Variants in GPHN observed in about 807,000 individuals in gnomAD.
GPHN encodes the protein gephyrin.
A neutral mutation model predicts 95.5 loss-of-function variants in GPHN; 17 were observed. The observed-to-expected ratio is 0.18, with a 90% confidence interval of 0.12 to 0.27. GPHN has a LOEUF of 0.27. GPHN is among the 10% of genes least tolerant of loss of function. The pLI, the probability that GPHN is intolerant of heterozygous loss-of-function variation, is 1.00. For missense variants in GPHN, 660 were observed against 978.1 expected (o/e 0.67, Z 4.34); for synonymous variants, 320 against 322.5 (o/e 0.99, Z 0.08).
At chr14:67,635,821 C>T in the GPHN span, among the ~76,000 whole-genome samples, 1 of 152,156 alleles carries the variant, frequency 6.6e-6, no homozygotes, top group Non-Finnish European at 1.5e-5. Flanking sequence ...CACTTCACTC[C>T]AGCGTGGGTG....
At chr14:66,649,638 G>A (rs1178061048) in intron 1 of GPHN, among the ~76,000 whole-genome samples, 5 of 152,194 alleles carry the variant, frequency 3.3e-5, no homozygotes, top group African/African-American at 4.8e-5. Context: ...CTGAAGTGGA[G>A]CTGAGGCAAT....
the GPHN span, among the ~76,000 whole-genome samples, chr14:67,508,772 CAG>C: frequency 1.3e-5 from 1 of 74,268 alleles, no homozygotes; most frequent in Non-Finnish European, 3.1e-5. Flanking sequence ...AAAAAAAAAA[CAG>C]AAGACAATTA....
chr14:67,383,414 G>T, the GPHN span: 2 of 1,613,638 alleles, frequency 1.2e-6, no homozygotes, highest in Non-Finnish European at 1.7e-6. Flanking sequence ...TGATGCAGAA[G>T]AAATGGAAGC....
In GPHN at chr14:66,508,182, G is replaced by A. The variant is rs1474552626; in HGVS notation, c.-346G>A. 2 of 486,378 alleles carry A rather than the reference G, an allele frequency of 4.1e-6. No individual in the cohort carries two copies. The highest frequency in any genetic ancestry group is 2.1e-5 in the South Asian group (1 of 48,170). The allele number at this position is 486,378 out of a possible 1,614,324, so 30.1% of individuals were successfully genotyped here. A position where few individuals can be genotyped will look rare whatever the true frequency, so the allele number is the denominator to read the frequency against. On this transcript the variant is annotated 5_prime_UTR_variant, in exon 1 of 23. Transcript: ENST00000478722. ...CAGTCCTGCCATCTAGCTGCCTTGG[G>A]TCTCGCGCTCCGCAGAGCGTTCCGA...
At chr14:66,651,094 A>G (rs1486500284) in intron 1 of GPHN, among the ~76,000 whole-genome samples, 2 of 152,166 alleles carry the variant, frequency 1.3e-5, no homozygotes, top group African/African-American at 4.8e-5. Context: ...TGGTTTTCTA[A>G]AGGTAGATCA....
chr14:66,907,466 A>G (rs1380020129), intron 5 of GPHN, among the ~76,000 whole-genome samples: 1 of 152,180 alleles, frequency 6.6e-6, no homozygotes, highest in African/African-American at 2.4e-5. Flanking sequence ...GATTTTTTAG[A>G]GCAGTAACAC....
At chr14:67,586,916 A>G in the GPHN span, 1 of 1,538,722 alleles carries the variant, frequency 6.5e-7, no homozygotes, top group Non-Finnish European at 8.7e-7. Flanking sequence ...TCTGAACAGC[A>G]CAGTTATGAT....
the GPHN span, among the ~76,000 whole-genome samples, chr14:67,705,673 A>G: frequency 6.6e-6 from 1 of 152,178 alleles, no homozygotes; most frequent in Non-Finnish European, 1.5e-5. Flanking sequence ...CATTGTTCTA[A>G]GGTTATTTAA....
At chr14:67,192,755 A>G in the GPHN span, among the ~76,000 whole-genome samples, 1 of 149,882 alleles carries the variant, frequency 6.7e-6, no homozygotes, top group Admixed American at 6.7e-5. Context: ...AATATATATT[A>G]CACATATTTT....
At chr14:67,132,124 G>A (rs886594062) in intron 17 of GPHN, among the ~76,000 whole-genome samples, 5 of 152,166 alleles carry the variant, frequency 3.3e-5, no homozygotes, top group African/African-American at 1.2e-4. Flanking sequence ...TTATATTAAA[G>A]CAAGAAGCAG....
At chr14:67,718,927 C>T in the GPHN span, among the ~76,000 whole-genome samples, 25 of 152,254 alleles carry the variant, frequency 1.6e-4, no homozygotes, top group East Asian at 2.1e-3. Context: ...CAAAATGATA[C>T]GGTTTTCAAC....
intron 1 of GPHN, among the ~76,000 whole-genome samples, chr14:66,545,360 CG>C (rs2059522822): frequency 6.9e-6 from 1 of 144,030 alleles, no homozygotes; most frequent in Non-Finnish European, 1.5e-5. Flanking sequence ...CCCTCCCGGA[CG>C]GGGCGACTGG....
intron 18 of GPHN, among the ~76,000 whole-genome samples, chr14:67,153,615 C>A (rs1157847903): frequency 6.6e-6 from 1 of 152,182 alleles, no homozygotes; most frequent in African/African-American, 2.4e-5. Flanking sequence ...TGCATTTACT[C>A]TCAGTTTTAT....
chr14:67,587,078 C>T, the GPHN span: 30 of 1,600,570 alleles, frequency 1.9e-5, no homozygotes, highest in Non-Finnish European at 2.6e-5. Flanking sequence ...TCTTAGATTG[C>T]AGAAGCTACC....
chr14:67,463,347 A>G, the GPHN span, among the ~76,000 whole-genome samples: 16 of 152,274 alleles, frequency 1.1e-4, no homozygotes, highest in Middle Eastern at 3.4e-3. Context: ...CCATTTTAAG[A>G]TGTTTGCTGG....
At chr14:67,324,691 C>T in the GPHN span, among the ~76,000 whole-genome samples, 2 of 151,770 alleles carry the variant, frequency 1.3e-5, no homozygotes, top group Non-Finnish European at 2.9e-5. Flanking sequence ...CCACGTGATC[C>T]TCTCACCCCA....
At chr14:67,399,111 G>T in the GPHN span, among the ~76,000 whole-genome samples, 9 of 152,192 alleles carry the variant, frequency 5.9e-5, no homozygotes, top group Non-Finnish European at 8.8e-5. Flanking sequence ...GGCAATATGA[G>T]GCCACTTACA....
intron 8 of GPHN, among the ~76,000 whole-genome samples, chr14:66,927,100 G>A (rs1206772084): frequency 6.6e-6 from 1 of 152,108 alleles, no homozygotes. Context: ...ACACATGTAA[G>A]CACTTTGGGA....
chr14:67,384,342 G>C, the GPHN span: 1 of 151,176 alleles, frequency 6.6e-6, no homozygotes, highest in African/African-American at 2.4e-5. Context: ...TAACAAAACA[G>C]GGATCTGTTT....
Sources: allele counts gnomAD v4.1 joint callset (sites outside exome capture counted in the v4.1 genomes callset), GRCh38; gene constraint gnomAD v4.1.1; transcripts MANE v1.5; gene names NCBI Gene and HGNC (gene_info 2026-07-23, HGNC 2026-07-21).